CPNE5: variants seen among roughly 807,000 people sequenced by gnomAD.
CPNE5 encodes copine 5.
In CPNE5, 42 loss-of-function variants were observed where a neutral mutation model predicts 81.1. The observed-to-expected ratio is 0.52, with a 90% CI of 0.40 to 0.67. The LOEUF (loss-of-function observed/expected upper bound fraction) is 0.67. CPNE5 is among the 30% of genes least tolerant of loss of function. The probability of loss-of-function intolerance (pLI) is 0.00; values close to 1 mark genes in which losing one functional copy is unlikely to be tolerated. For missense variants in CPNE5, 612 were observed against 815.5 expected, an observed-to-expected ratio of 0.75 and a Z score of 3.04; for synonymous variants, 313 against 321.5, an observed-to-expected ratio of 0.97 and a Z score of 0.28.
intron 12 of CPNE5, among the ~76,000 whole-genome samples, chr6:36,756,517 C>G (rs1354163979): frequency 6.6e-6 from 1 of 152,114 alleles, no homozygotes. Flanking sequence ...GACCCAGGGT[C>G]CCACGATCAA....
rs79434112 is a variant in CPNE5 at position 36,781,493 on chromosome 6, G to T, written c.529-2536C>A. Reference sequence around the variant, plus strand: ...CTAGAGTGCATAACTCAGACAGTCAGATTTCAGAGTTTTCACTCTTATCCC... The same window carrying T: ...CTAGAGTGCATAACTCAGACAGTCATATTTCAGAGTTTTCACTCTTATCCC... On this transcript the variant is annotated intron_variant, in intron 8 of 20. Coordinates refer to ENST00000244751, the MANE Select transcript of CPNE5 (RefSeq NM_020939.2). Among the ~76,000 whole-genome samples the T allele has an allele frequency of 8.0e-3, 1,215 of 152,332 alleles. 5 individuals carry two copies. Among genetic ancestry groups the T allele is most frequent in the Non-Finnish European group, 0.012 (822 of 68,026 alleles).
intron 13 of CPNE5, chr6:36,755,391 C>T (rs1476026159): frequency 1.3e-5 from 2 of 152,244 alleles, no homozygotes; most frequent in African/African-American, 4.8e-5. Context: ...ATGTGCTGTT[C>T]TCTACAGCAG....
chr6:36,777,769 CACACACA>C (rs752954776), intron 9 of CPNE5, among the ~76,000 whole-genome samples: 15 of 27,146 alleles, frequency 5.5e-4, no homozygotes, highest in Non-Finnish European at 8.5e-4. Flanking sequence ...CCCCCCACCA[CACACACA>C]CACACACACA....
intron 19 of CPNE5, among the ~76,000 whole-genome samples, chr6:36,743,965 T>C (rs1211242181): frequency 6.6e-6 from 1 of 152,180 alleles, no homozygotes; most frequent in Non-Finnish European, 1.5e-5. Context: ...GCCCAGTGCT[T>C]TGGTTCACCA....
chr6:36,822,831 A>T (rs1583019955), intron 2 of CPNE5, among the ~76,000 whole-genome samples: 1 of 152,154 alleles, frequency 6.6e-6, no homozygotes, highest in African/African-American at 2.4e-5. Context: ...AACCCCTCCC[A>T]GCCTGCTCTG....
At position 36,743,703 on chromosome 6, in the gene CPNE5, G is replaced by A. The variant is rs755184798; in HGVS notation, c.1549C>T (p.Arg517Cys). Residue 517 changes from arginine (R) to cysteine (C), a missense_variant, in exon 20 of 21, where the codon CGC (arginine) becomes TGC (cysteine). Arg to Cys is a radical substitution (Grantham distance 180, BLOSUM62 -3). Coordinates refer to ENST00000244751, the MANE Select transcript of CPNE5 (RefSeq NM_020939.2). ...CTGGGCTTCACCTGGACGATGTCGC[G>A]TTCAGCCAGCTTCCCCCGGGAGGAG... ...RISSRGKLAE[R>C]DIVQFVPFRD... is the part of the protein sequence containing the mutation. The A allele has an allele frequency of 6.2e-6, 10 of 1,613,452 alleles. No individual in the cohort carries two copies. The highest frequency in any genetic ancestry group is 8.5e-6 in the Non-Finnish European group (10 of 1,179,950).
At chr6:36,756,372 C>T in intron 12 of CPNE5, 74 bp from the exon 13 acceptor site, 4 of 1,292,240 alleles carry the variant, frequency 3.1e-6, no homozygotes, top group Non-Finnish European at 2.2e-6. Context: ...CTTCCAACCA[C>T]CCATGGGTGT....
intron 3 of CPNE5, among the ~76,000 whole-genome samples, chr6:36,812,844 G>T (rs1216891479): frequency 6.6e-6 from 1 of 152,256 alleles, no homozygotes; most frequent in African/African-American, 2.4e-5. Flanking sequence ...AAAAAGGAGA[G>T]AGTCCAGAAA....
intron 11 of CPNE5, among the ~76,000 whole-genome samples, chr6:36,763,830 C>G (rs745526690): frequency 1.7e-4 from 26 of 152,012 alleles, no homozygotes; most frequent in Non-Finnish European, 3.5e-4. Flanking sequence ...AAACCCTTCT[C>G]TAATGAGATT....
chr6:36,743,220 A>C, intron 20 of CPNE5: 1 of 985,408 alleles, frequency 1.0e-6, no homozygotes, highest in Non-Finnish European at 1.2e-6. Flanking sequence ...CTTCCACGTG[A>C]GACTGCATGG....
intron 3 of CPNE5, among the ~76,000 whole-genome samples, chr6:36,814,511 C>T (rs560730006): frequency 1.3e-5 from 2 of 152,254 alleles, no homozygotes; most frequent in African/African-American, 2.4e-5. Context: ...CAGAAGTCCC[C>T]AAACTCAGTA....
chr6:36,757,964 G>A (rs1765647208), intron 12 of CPNE5, among the ~76,000 whole-genome samples: 1 of 152,158 alleles, frequency 6.6e-6, no homozygotes, highest in African/African-American at 2.4e-5. Context: ...ATGTCACCCA[G>A]CGGCCTGCAG....
At chr6:36,779,968 AT>A (rs5875558) in intron 8 of CPNE5, among the ~76,000 whole-genome samples, 36,125 of 139,132 alleles carry the variant, frequency 0.26, 4,513 homozygotes, top group South Asian at 0.36. Context: ...CCCCCTTCCT[AT>A]TTTTTTTTTT....
chr6:36,839,530 T>G (rs1583088037), upstream of CPNE5: 6 of 554,768 alleles, frequency 1.1e-5, no homozygotes, highest in Admixed American at 3.7e-5. This position sits in a 1 kb window ranked among gnomAD's most constrained non-coding sequence, Gnocchi z 7.3. Flanking sequence ...GCGTGGGAAG[T>G]GAGAGAGGGA....
intron 10 of CPNE5, among the ~76,000 whole-genome samples, chr6:36,770,660 C>T (rs1457494178): frequency 6.6e-6 from 1 of 152,058 alleles, no homozygotes; most frequent in Non-Finnish European, 1.5e-5. Flanking sequence ...CCCACAGGGC[C>T]TCTCAGGGCA....
chr6:36,769,847 G>T (rs144295500), intron 10 of CPNE5, among the ~76,000 whole-genome samples: 1 of 152,092 alleles, frequency 6.6e-6, no homozygotes, highest in African/African-American at 2.4e-5. Flanking sequence ...ATCTGTGGCC[G>T]GATGCAAAAG....
chr6:36,791,944 C>T (rs553866484), intron 8 of CPNE5, 89 bp downstream of exon 8: 111 of 1,151,004 alleles, frequency 9.6e-5, no homozygotes, highest in East Asian at 6.4e-4. Flanking sequence ...TGTCTACCCT[C>T]GGTTCCCTCC....
intron 1 of CPNE5, among the ~76,000 whole-genome samples, chr6:36,835,666 G>A (rs1169924094): frequency 6.6e-6 from 1 of 152,112 alleles, no homozygotes; most frequent in Admixed American, 6.5e-5. Flanking sequence ...TGTGGAGGCA[G>A]GCACCTGTAA....
At chr6:36,792,142 A>G (rs1207169027) in intron 7 of CPNE5, 46 bp from the exon 8 acceptor site, 1 of 1,580,538 alleles carries the variant, frequency 6.3e-7, no homozygotes, top group East Asian at 2.2e-5. Flanking sequence ...ACAAAGACAG[A>G]GCCATAAACC....
Sources: allele counts gnomAD v4.1 joint callset (sites outside exome capture counted in the v4.1 genomes callset), GRCh38; gene constraint gnomAD v4.1.1; non-coding constraint Gnocchi (gnomAD v3.1); transcripts MANE v1.5; gene names NCBI Gene and HGNC (gene_info 2026-07-23, HGNC 2026-07-21).